Variants in OR2L13 observed in about 807,000 individuals in gnomAD.
OR2L13 encodes olfactory receptor 2L13.
A neutral mutation model predicts 15.3 loss-of-function variants in OR2L13; 14 were observed. The observed-to-expected ratio is 0.91, with a 90% CI of 0.60 to 1.43. The LOEUF (loss-of-function observed/expected upper bound fraction) is 1.43, where lower values mean the gene tolerates loss of function less well. Ranked by LOEUF, OR2L13 falls within the 40% of genes most tolerant of loss-of-function variation. The probability of loss-of-function intolerance (pLI) is 0.00; values close to 1 mark genes in which losing one functional copy is unlikely to be tolerated. For synonymous variants in OR2L13, 152 were observed against 142.9 expected, an observed-to-expected ratio of 1.06 and a Z score of -0.45; for missense variants, 367 against 387.9, an observed-to-expected ratio of 0.95 and a Z score of 0.45.
the OR2L13 span, among the ~76,000 whole-genome samples, chr1:248,046,671 A>T: frequency 6.6e-6 from 1 of 152,126 alleles, no homozygotes; most frequent in East Asian, 1.9e-4. Context: ...TATCAGCAAA[A>T]CAACTGTTAA....
At chr1:248,071,609 GT>G in the OR2L13 span, among the ~76,000 whole-genome samples, 7 of 152,058 alleles carry the variant, frequency 4.6e-5, no homozygotes, top group Non-Finnish European at 1.0e-4. Flanking sequence ...TCAACATAGT[GT>G]TGGAAGTTCT....
At chr1:248,076,451 C>T in the OR2L13 span, among the ~76,000 whole-genome samples, 1 of 152,152 alleles carries the variant, frequency 6.6e-6, no homozygotes, top group Non-Finnish European at 1.5e-5. Flanking sequence ...TGGCCATTTT[C>T]ATGGTATTGA....
chr1:248,032,541 G>A, the OR2L13 span, among the ~76,000 whole-genome samples: 35 of 152,148 alleles, frequency 2.3e-4, no homozygotes, highest in East Asian at 6.2e-3. Flanking sequence ...CAGGGGTCCA[G>A]CATTCTACTT....
At chr1:248,006,283 G>C in the OR2L13 span, among the ~76,000 whole-genome samples, 10 of 138,858 alleles carry the variant, frequency 7.2e-5, no homozygotes, top group Admixed American at 2.1e-4. Context: ...GTGTGTGTGT[G>C]TGTTTGTGTG....
chr1:248,093,003 T>C (rs1361309866), upstream of OR2L13, among the ~76,000 whole-genome samples: 1 of 152,164 alleles, frequency 6.6e-6, no homozygotes, highest in Non-Finnish European at 1.5e-5. Context: ...CTGAGCCTTG[T>C]GCAAAAGTAG....
At chr1:248,060,040 CAA>C in the OR2L13 span, among the ~76,000 whole-genome samples, 1,442 of 129,008 alleles carry the variant, frequency 0.011, 27 homozygotes, top group African/African-American at 0.035. Flanking sequence ...CCCTGTCACT[CAA>C]AAAAAAAAAA....
the OR2L13 span, among the ~76,000 whole-genome samples, chr1:248,013,006 A>G: frequency 6.6e-6 from 1 of 151,812 alleles, no homozygotes; most frequent in Non-Finnish European, 1.5e-5. Flanking sequence ...CAGTAGTAAG[A>G]TCAGTTTTAT....
the OR2L13 span, chr1:248,040,258 T>C: frequency 6.6e-6 from 1 of 152,242 alleles, no homozygotes; most frequent in African/African-American, 2.4e-5. Flanking sequence ...CTTAGGTCCA[T>C]TCTCTGAGTG....
chr1:247,948,864 A>C, the OR2L13 span: 1 of 1,602,580 alleles, frequency 6.2e-7, no homozygotes, highest in East Asian at 2.2e-5. Context: ...CTCCATGGAA[A>C]ATTACAATCA....
At chr1:248,023,330 A>C in the OR2L13 span, 1 of 152,504 alleles carries the variant, frequency 6.6e-6, no homozygotes, top group Non-Finnish European at 1.5e-5. Flanking sequence ...TTTTTGCTAA[A>C]GTAATGATTT....
At chr1:248,089,538 C>T in the OR2L13 span, among the ~76,000 whole-genome samples, 16 of 152,220 alleles carry the variant, frequency 1.1e-4, no homozygotes, top group Admixed American at 9.8e-4. Context: ...GGGGAAATTC[C>T]AGGCACCTAG....
At chr1:247,942,884 C>T in the OR2L13 span, among the ~76,000 whole-genome samples, 1 of 152,110 alleles carries the variant, frequency 6.6e-6, no homozygotes, top group Non-Finnish European at 1.5e-5. Context: ...TCCTTCTCTC[C>T]CTTCTCCCAT....
chr1:247,976,612 T>G, the OR2L13 span, among the ~76,000 whole-genome samples: 1 of 152,206 alleles, frequency 6.6e-6, no homozygotes, highest in Non-Finnish European at 1.5e-5. Context: ...TTTAATAACA[T>G]AAAATATGTG....
At chr1:248,015,052 G>C in the OR2L13 span, among the ~76,000 whole-genome samples, 2 of 152,238 alleles carry the variant, frequency 1.3e-5, no homozygotes, top group Admixed American at 6.5e-5. Context: ...GAGAGCTGAT[G>C]CACTATCGTG....
the OR2L13 span, among the ~76,000 whole-genome samples, chr1:248,000,311 C>T: frequency 6.6e-5 from 10 of 152,070 alleles, no homozygotes; most frequent in Non-Finnish European, 1.5e-5. Flanking sequence ...GAAGACCATC[C>T]TCCTTGGTTC....
At chr1:247,960,160 T>A in the OR2L13 span, among the ~76,000 whole-genome samples, 106 of 152,314 alleles carry the variant, frequency 7.0e-4, no homozygotes, top group Non-Finnish European at 1.2e-3. Context: ...CTTCTAACAG[T>A]CAGGACCCTC....
At chr1:248,099,699 T>C in exon 3 of OR2L13, 1 of 1,614,172 alleles carries the variant, frequency 6.2e-7, no homozygotes, top group Non-Finnish European at 8.5e-7. Context: ...CCATGGCGTG[T>C]TCTGAAGGCT....
the OR2L13 span, among the ~76,000 whole-genome samples, chr1:248,031,935 G>T: frequency 3.3e-5 from 5 of 151,940 alleles, no homozygotes; most frequent in Admixed American, 1.3e-4. Flanking sequence ...TTAAAAGTAG[G>T]ATAATAACTC....
At chr1:248,073,720 A>C in the OR2L13 span, among the ~76,000 whole-genome samples, 1 of 151,796 alleles carries the variant, frequency 6.6e-6, no homozygotes, top group Non-Finnish European at 1.5e-5. Context: ...AATCAGGTAG[A>C]TGATCTTTCA....
Sources: allele counts gnomAD v4.1 joint callset (sites outside exome capture counted in the v4.1 genomes callset), GRCh38; gene constraint gnomAD v4.1.1; transcripts MANE v1.5; gene names NCBI Gene and HGNC (gene_info 2026-07-23, HGNC 2026-07-21).